XPR1: variants seen among roughly 807,000 people sequenced by gnomAD.
XPR1 encodes solute carrier family 53 member 1.
Under a neutral mutation model 87.5 loss-of-function variants are expected in XPR1, and 28 were observed. The observed-to-expected ratio is 0.32, with a 90% CI of 0.24 to 0.44. XPR1 has a LOEUF of 0.44. Among genes scored for constraint, XPR1 ranks in the 20% least tolerant of loss-of-function variants. The probability of loss-of-function intolerance (pLI) is 1.00; values close to 1 mark genes in which losing one functional copy is unlikely to be tolerated. For missense variants in XPR1, 559 were observed against 862.3 expected (o/e 0.65, Z 4.41); for synonymous variants, 300 against 306.1 (o/e 0.98, Z 0.21).
intron 12 of XPR1, among the ~76,000 whole-genome samples, chr1:180,866,877 A>G (rs1443265126): frequency 2.3e-5 from 3 of 129,358 alleles, no homozygotes; most frequent in African/African-American, 9.2e-5. Context: ...TTAGTTACAT[A>G]TGTATACATG....
At chr1:180,807,096 A>G (rs372983135) in intron 6 of XPR1, among the ~76,000 whole-genome samples, 2 of 152,296 alleles carry the variant, frequency 1.3e-5, no homozygotes, top group South Asian at 2.1e-4. Context: ...TAAAACCTCT[A>G]CAATTATTAT....
chr1:180,705,081 T>C (rs892778518), intron 2 of XPR1, among the ~76,000 whole-genome samples: 12 of 152,168 alleles, frequency 7.9e-5, no homozygotes, highest in African/African-American at 1.9e-4. Flanking sequence ...CTACTGTAGC[T>C]GAAAAGATAA....
chr1:180,880,423 C>T (rs1004179967), intron 14 of XPR1, 126 bp downstream of exon 14: 1 of 997,930 alleles, frequency 1.0e-6, no homozygotes, highest in Non-Finnish European at 1.5e-6. Context: ...TTTTCACCTA[C>T]AAAAAAACAG....
At chr1:180,653,283 T>C (rs1225435381) in intron 1 of XPR1, among the ~76,000 whole-genome samples, 1 of 152,078 alleles carries the variant, frequency 6.6e-6, no homozygotes, top group Non-Finnish European at 1.5e-5. Flanking sequence ...GTAAAAATCA[T>C]TGGGAGGTGG....
chr1:180,706,240 T>G (rs537989480), intron 2 of XPR1, among the ~76,000 whole-genome samples: 2 of 152,342 alleles, frequency 1.3e-5, no homozygotes, highest in South Asian at 4.1e-4. Context: ...GGGTTCCTTG[T>G]TCTGATTCAG....
At chr1:180,799,295 C>A (rs1052192331) in intron 3 of XPR1, among the ~76,000 whole-genome samples, 6 of 152,126 alleles carry the variant, frequency 3.9e-5, no homozygotes, top group Non-Finnish European at 8.8e-5. Context: ...CTACTTCTAC[C>A]CCTTGATTCC....
At position 180,885,883 on chromosome 1, in the gene XPR1, A is replaced by G. The variant is rs1458555066; in HGVS notation, c.*1817A>G. ...TTACTGTTACTAGAAAATTTTTATC[A>G]ATTAACTGACAAATAGTTTCTTTTT... On this transcript the variant is annotated 3_prime_UTR_variant, in exon 15 of 15. Coordinates refer to ENST00000367590, the MANE Select transcript of XPR1 (RefSeq NM_004736.4). 1 of 152,202 alleles carries G rather than the reference A, an allele frequency of 6.6e-6. No individual in the cohort carries two copies. Among genetic ancestry groups the G allele is most frequent in the Non-Finnish European group, 1.5e-5 (1 of 68,036 alleles). The allele number at this position is 152,202 out of a possible 1,614,324, so 9.4% of individuals were successfully genotyped here.
intron 2 of XPR1, among the ~76,000 whole-genome samples, chr1:180,692,313 C>T (rs1657020076): frequency 6.6e-6 from 1 of 151,952 alleles, no homozygotes; most frequent in South Asian, 2.1e-4. Context: ...GTAGATCTAT[C>T]TGTAGGCACT....
At chr1:180,809,983 T>C (rs1650149870) in intron 6 of XPR1, among the ~76,000 whole-genome samples, 1 of 152,136 alleles carries the variant, frequency 6.6e-6, no homozygotes, top group Non-Finnish European at 1.5e-5. Context: ...TGCTTTGTTT[T>C]TGAAGGTTTT....
intron 1 of XPR1, among the ~76,000 whole-genome samples, chr1:180,678,546 A>T (rs1014228246): frequency 6.6e-6 from 1 of 152,232 alleles, no homozygotes; most frequent in African/African-American, 2.4e-5. Flanking sequence ...TAAGTAGTGA[A>T]TATTACTGAA....
chr1:180,739,252 C>T (rs556201343), intron 2 of XPR1, among the ~76,000 whole-genome samples: 5 of 152,274 alleles, frequency 3.3e-5, no homozygotes, highest in African/African-American at 1.2e-4. Flanking sequence ...TGTTCCTTTG[C>T]CAAATACCAC....
At chr1:180,856,900 A>G (rs184219382) in intron 11 of XPR1, among the ~76,000 whole-genome samples, 53 of 152,302 alleles carry the variant, frequency 3.5e-4, no homozygotes, top group African/African-American at 1.1e-3. Context: ...TTTAACTACC[A>G]GCTACATCAG....
chr1:180,887,922 A>G lies in XPR1; in HGVS notation c.*3856A>G, dbSNP rs1351419363. On this transcript the variant is annotated 3_prime_UTR_variant, in exon 15 of 15. Transcript: ENST00000367590. Reference sequence around the variant, plus strand: ...GTGAACTACGGCAAGGTAAGAACAGAAAAAAGTAAAGTAGTATTGAGTCAT... The same window carrying G: ...GTGAACTACGGCAAGGTAAGAACAGGAAAAAGTAAAGTAGTATTGAGTCAT... The G allele has an allele frequency of 1.3e-5, 2 of 152,260 alleles. No homozygotes were observed. Among genetic ancestry groups the G allele is most frequent in the Non-Finnish European group, 2.9e-5 (2 of 68,056 alleles). 9.4% of individuals were successfully genotyped at this position (152,260 alleles called of 1,614,324 possible).
intron 2 of XPR1, among the ~76,000 whole-genome samples, chr1:180,778,397 A>G (rs1022242788): frequency 4.6e-5 from 7 of 152,214 alleles, no homozygotes; most frequent in Non-Finnish European, 4.4e-5. Context: ...AACACAATGT[A>G]TTAGTTCCAC....
intron 9 of XPR1, among the ~76,000 whole-genome samples, chr1:180,831,901 G>T (rs1200774377): frequency 1.3e-5 from 2 of 152,004 alleles, no homozygotes; most frequent in Non-Finnish European, 2.9e-5. Flanking sequence ...TAATCCTTTG[G>T]GTGTATACCC....
intron 1 of XPR1, among the ~76,000 whole-genome samples, chr1:180,644,730 T>G (rs1655057416): frequency 6.6e-6 from 1 of 152,060 alleles, no homozygotes; most frequent in Non-Finnish European, 1.5e-5. Context: ...GGAAGACAGT[T>G]TTTCCACATA....
At chr1:180,729,700 C>T (rs1195709236) in intron 2 of XPR1, among the ~76,000 whole-genome samples, 4 of 152,076 alleles carry the variant, frequency 2.6e-5, no homozygotes, top group Admixed American at 6.5e-5. Flanking sequence ...TGTATATCTT[C>T]TTTTGTAAAG....
rs55806284 is a variant in XPR1, at chr1:180,728,297, T to TGGG, written c.121+45895_121+45897dup. Among the ~76,000 whole-genome samples the TGGG allele has an allele frequency of 3.4e-3, 318 of 94,406 alleles. 2 individuals carry two copies. The highest frequency in any genetic ancestry group is 4.9e-3 in the African/African-American group (115 of 23,522). 61.9% of individuals were successfully genotyped at this position (94,406 alleles called of 152,430 possible). ...GTGAGAAAAAGGAGTTGTTTATAAC[T>TGGG]GGGGGGGGGGGTAGTAATGAAAACT... On this transcript the variant is annotated intron_variant, in intron 2 of 14. Coordinates refer to ENST00000367590, the MANE Select transcript of XPR1 (RefSeq NM_004736.4).
intron 11 of XPR1, among the ~76,000 whole-genome samples, chr1:180,861,881 T>C (rs1410030681): frequency 6.6e-6 from 1 of 152,068 alleles, no homozygotes; most frequent in Non-Finnish European, 1.5e-5. Flanking sequence ...TAACACTGAA[T>C]GTGGAGTGAG....
Sources: gnomAD v4.1 joint callset for allele counts (sites outside exome capture counted in the v4.1 genomes callset) on GRCh38, gnomAD v4.1.1 for gene constraint, MANE v1.5 for transcripts, NCBI Gene and HGNC (gene_info 2026-07-23, HGNC 2026-07-21) for gene names.